Variants in CHL1 observed in about 807,000 individuals in gnomAD.
CHL1 encodes neural cell adhesion molecule L1-like protein.
Under a neutral mutation model 141.9 loss-of-function variants are expected in CHL1, and 96 were observed. The observed-to-expected ratio is 0.68, with a 90% CI of 0.57 to 0.80. The LOEUF is 0.80. CHL1 is among the 30% of genes least tolerant of loss of function. CHL1 has a pLI of 0.00. For missense variants in CHL1, 1,820 were observed against 1,457.2 expected, an observed-to-expected ratio of 1.25 and a Z score of -4.05; for synonymous variants, 613 against 502.2, an observed-to-expected ratio of 1.22 and a Z score of -2.95.
At chr3:308,617 T>A (rs1239235130) in intron 2 of CHL1, 1 of 149,652 alleles carries the variant, frequency 6.7e-6, no homozygotes, top group Non-Finnish European at 1.5e-5. Context: ...AACATATATA[T>A]GTTATAATAA....
intron 2 of CHL1, among the ~76,000 whole-genome samples, chr3:254,405 T>C (rs1693972088): frequency 6.6e-6 from 1 of 152,202 alleles, no homozygotes; most frequent in Admixed American, 6.5e-5. Flanking sequence ...TAAAGTGGGC[T>C]GATACCCACT....
At chr3:238,434 A>C (rs1692207571) in intron 1 of CHL1, among the ~76,000 whole-genome samples, 1 of 149,250 alleles carries the variant, frequency 6.7e-6, no homozygotes, top group African/African-American at 2.4e-5. Flanking sequence ...AATAAAAAAA[A>C]TAGCCAGTTT....
At chr3:311,499 C>A (rs1273306123) in intron 2 of CHL1, among the ~76,000 whole-genome samples, 1 of 152,044 alleles carries the variant, frequency 6.6e-6, no homozygotes, top group Non-Finnish European at 1.5e-5. Context: ...TTATCCACGG[C>A]TCCTGCCCAC....
At chr3:293,340 A>G (rs1277869119) in intron 2 of CHL1, among the ~76,000 whole-genome samples, 1 of 152,026 alleles carries the variant, frequency 6.6e-6, no homozygotes, top group African/African-American at 2.4e-5. Flanking sequence ...TGTCTCTACT[A>G]AAAATACAAA....
chr3:244,434 G>T (rs1388881047), intron 1 of CHL1, among the ~76,000 whole-genome samples, 179 bp from the exon 2 acceptor site: 1 of 152,126 alleles, frequency 6.6e-6, no homozygotes, highest in South Asian at 2.1e-4. Flanking sequence ...AAATTCGCAG[G>T]ACCCCTTTTT....
At chr3:393,110 G>A (rs1364906856) in intron 23 of CHL1, among the ~76,000 whole-genome samples, 1 of 151,700 alleles carries the variant, frequency 6.6e-6, no homozygotes, top group Admixed American at 6.6e-5. Context: ...GTGGGCCCCT[G>A]TAGTCCCAGC....
chr3:363,920 A>G (rs561601159), intron 14 of CHL1: 28 of 152,310 alleles, frequency 1.8e-4, no homozygotes, highest in African/African-American at 6.7e-4. Flanking sequence ...TATTGCTCAG[A>G]GAATCTTCAA....
chr3:290,707 C>G (rs750701610), intron 2 of CHL1, among the ~76,000 whole-genome samples: 2 of 151,992 alleles, frequency 1.3e-5, no homozygotes, highest in Admixed American at 1.3e-4. Flanking sequence ...TCATTTGGAA[C>G]TTTATGGAAT....
rs765640119 is a variant in CHL1 at position 319,716 on chromosome 3, A to C, written c.-61A>C. Reference sequence around the variant, plus strand: ...TTAACTAAGGTCTCAGCTGTAAACCAAAAGTGAGAGGAGACATTAAGATTT... The same window carrying C: ...TTAACTAAGGTCTCAGCTGTAAACCCAAAGTGAGAGGAGACATTAAGATTT... On this transcript the variant is annotated 5_prime_UTR_variant, in exon 3 of 28. Coordinates refer to ENST00000256509, the MANE Select transcript of CHL1 (RefSeq NM_006614.4). The C allele has an allele frequency of 1.2e-4, 140 of 1,131,758 alleles. No homozygotes were observed. In the Middle Eastern group the frequency reaches 1.6e-3, roughly 13 times the overall value. The allele number at this position is 1,131,758 out of a possible 1,614,324, so 70.1% of individuals were successfully genotyped here. A position where few individuals can be genotyped will look rare whatever the true frequency, so the allele number is the denominator to read the frequency against.
rs1241382867 is a variant in CHL1 at position 219,100 on chromosome 3, G to T, written c.-175+22037G>T. On this transcript the variant is annotated intron_variant, in intron 1 of 27. Coordinates refer to ENST00000256509, the MANE Select transcript of CHL1 (RefSeq NM_006614.4). The stretch of plus-strand genomic sequence containing the variant: ...GGAGGTGGAGCTTGCAGTGAGCCGA[G>T]ATCATGCCACTGCACTCCAGCCTGG... 5.9e-5 allele frequency among the ~76,000 whole-genome samples: 9 copies of T among 151,800 alleles called. No individual in the cohort carries two copies. In the South Asian group the frequency reaches 1.5e-3, roughly 25 times the overall value.
At chr3:343,119 G>A (rs1159000682) in intron 8 of CHL1, 88 bp downstream of exon 8, 6 of 998,946 alleles carry the variant, frequency 6.0e-6, no homozygotes, top group Admixed American at 2.5e-5. Flanking sequence ...ATCCTCTTAA[G>A]TTTATTACAA....
chr3:325,112 A>G (rs928452241), intron 3 of CHL1, among the ~76,000 whole-genome samples: 1 of 151,978 alleles, frequency 6.6e-6, no homozygotes, highest in African/African-American at 2.4e-5. Context: ...ATGAAAACAT[A>G]AATGAGGAAT....
intron 1 of CHL1, among the ~76,000 whole-genome samples, chr3:221,916 A>G (rs932086970): frequency 5.3e-5 from 8 of 152,326 alleles, no homozygotes; most frequent in Admixed American, 5.2e-4. Context: ...CATAAGTTTG[A>G]TTTTATGACT....
chr3:234,492 C>G (rs1019010094), intron 1 of CHL1, among the ~76,000 whole-genome samples: 1 of 152,068 alleles, frequency 6.6e-6, no homozygotes, highest in East Asian at 1.9e-4. Context: ...CTGAAAATAG[C>G]TGGGGAGTGT....
intron 2 of CHL1, among the ~76,000 whole-genome samples, chr3:263,920 T>A (rs1408350086): frequency 3.3e-5 from 5 of 152,224 alleles, no homozygotes; most frequent in Non-Finnish European, 7.3e-5. Context: ...AAAATGCTAA[T>A]GTTGATTTTA....
chr3:359,657 G>A (rs1170985400), intron 11 of CHL1, among the ~76,000 whole-genome samples: 3 of 152,170 alleles, frequency 2.0e-5, no homozygotes, highest in Admixed American at 6.5e-5. Flanking sequence ...ACTTGGATCA[G>A]GAGTGGGGAA....
intron 5 of CHL1, among the ~76,000 whole-genome samples, chr3:331,906 A>C (rs557097760): frequency 5.3e-5 from 8 of 152,362 alleles, no homozygotes; most frequent in African/African-American, 1.9e-4. Context: ...CAATTGGGAA[A>C]TATCAGAAAA....
At chr3:393,620 T>G (rs1244247626) in intron 23 of CHL1, among the ~76,000 whole-genome samples, 1 of 152,146 alleles carries the variant, frequency 6.6e-6, no homozygotes, top group East Asian at 1.9e-4. Context: ...CAAGACATTT[T>G]AGGTAGTTTA....
At chr3:317,266 A>C (rs1301992106) in intron 2 of CHL1, among the ~76,000 whole-genome samples, 1 of 151,948 alleles carries the variant, frequency 6.6e-6, no homozygotes, top group Non-Finnish European at 1.5e-5. Context: ...AAATTCAAAA[A>C]ATGGGATCAC....
Sources: gnomAD v4.1 joint callset for allele counts (sites outside exome capture counted in the v4.1 genomes callset) on GRCh38, gnomAD v4.1.1 for gene constraint, MANE v1.5 for transcripts, NCBI Gene and HGNC (gene_info 2026-07-23, HGNC 2026-07-21) for gene names.